The following LINGO2 variants were observed in gnomAD, a reference collection of about 807,000 sequenced individuals.
The protein encoded by LINGO2 is leucine rich repeat and Ig domain containing 2, also known as leucine-rich repeat and immunoglobulin-like domain-containing nogo receptor-interacting protein 2.
LINGO2 carries 14 observed loss-of-function variants against 30.6 expected under a neutral mutation model. The ratio of observed to expected loss-of-function variants is 0.46; its 90% CI spans 0.30 to 0.72. LINGO2 has a LOEUF of 0.72. Ranked by LOEUF, LINGO2 falls within the 30% of genes least tolerant of loss-of-function variation. The pLI, the probability that LINGO2 is intolerant of heterozygous loss-of-function variation, is 0.07. For synonymous variants in LINGO2, 317 were observed against 288.5 expected, an observed-to-expected ratio of 1.10 and a Z score of -1.00; for missense variants, 729 against 751.7, an observed-to-expected ratio of 0.97 and a Z score of 0.35.
the LINGO2 span, among the ~76,000 whole-genome samples, chr9:28,977,465 T>C: frequency 3.3e-5 from 5 of 152,140 alleles, no homozygotes; most frequent in East Asian, 3.8e-4. Flanking sequence ...TTTGAAAGCA[T>C]AAAGTGATTT....
intron 4 of LINGO2, among the ~76,000 whole-genome samples, chr9:28,048,299 G>A (rs931666472): frequency 6.6e-6 from 1 of 150,966 alleles, no homozygotes; most frequent in Non-Finnish European, 1.5e-5. Context: ...CCTCTACTAA[G>A]TGAAAACATT....
At chr9:28,102,318 CAAT>C (rs926317805) in intron 4 of LINGO2, among the ~76,000 whole-genome samples, 15 of 151,878 alleles carry the variant, frequency 9.9e-5, no homozygotes, top group South Asian at 4.2e-4. Context: ...GTGGAAATAA[CAAT>C]AATATTTTAA....
chr9:28,597,956 G>T (rs1825270351), intron 1 of LINGO2, among the ~76,000 whole-genome samples: 1 of 151,768 alleles, frequency 6.6e-6, no homozygotes, highest in Non-Finnish European at 1.5e-5. Context: ...GTAGAGAAGG[G>T]GCTTCACTAT....
intron 1 of LINGO2, among the ~76,000 whole-genome samples, chr9:28,577,455 C>A (rs1168154492): frequency 1.3e-5 from 2 of 152,078 alleles, no homozygotes; most frequent in Non-Finnish European, 2.9e-5. Context: ...CATTCCCCAA[C>A]CAATCAGCAG....
chr9:29,179,158 AAT>A, the LINGO2 span, among the ~76,000 whole-genome samples: 2,028 of 101,002 alleles, frequency 0.02, 7 homozygotes, highest in African/African-American at 0.041. Context: ...TCTTACTGTA[AAT>A]ATATATATAT....
At chr9:28,360,069 A>C (rs1820380362) in intron 3 of LINGO2, among the ~76,000 whole-genome samples, 1 of 152,186 alleles carries the variant, frequency 6.6e-6, no homozygotes, top group African/African-American at 2.4e-5. Flanking sequence ...AGAGTTCTAG[A>C]AGGTAAGAGA....
chr9:28,806,333 C>T, the LINGO2 span, among the ~76,000 whole-genome samples: 3 of 152,176 alleles, frequency 2.0e-5, no homozygotes, highest in South Asian at 2.1e-4. Flanking sequence ...GCTGCCTTCA[C>T]GATCCCTTGT....
the LINGO2 span, among the ~76,000 whole-genome samples, chr9:29,120,352 A>T: frequency 1.6e-4 from 24 of 152,268 alleles, no homozygotes; most frequent in Admixed American, 1.3e-3. Context: ...TGAAAGGAAC[A>T]TGTCATTAAA....
chr9:28,042,827 T>C (rs1373426773), intron 4 of LINGO2, among the ~76,000 whole-genome samples: 6 of 152,316 alleles, frequency 3.9e-5, no homozygotes, highest in Non-Finnish European at 8.8e-5. Context: ...ACAAATGTTA[T>C]TATACAAATA....
At chr9:28,052,301 C>T (rs1824713752) in intron 4 of LINGO2, among the ~76,000 whole-genome samples, 1 of 152,042 alleles carries the variant, frequency 6.6e-6, no homozygotes, top group East Asian at 1.9e-4. Flanking sequence ...ATTTAAAGTG[C>T]TAACACAGCA....
At chr9:28,415,574 T>C (rs17821522) in intron 2 of LINGO2, among the ~76,000 whole-genome samples, 8,309 of 152,272 alleles carry the variant, frequency 0.055, 292 homozygotes, top group Middle Eastern at 0.14. Flanking sequence ...GGTCTCTGAA[T>C]GCACTACCAT....
the LINGO2 span, among the ~76,000 whole-genome samples, chr9:28,956,012 C>T: frequency 2.0e-5 from 3 of 151,670 alleles, no homozygotes; most frequent in Non-Finnish European, 4.4e-5. Flanking sequence ...CACAGAAAGA[C>T]AGAATGCTAT....
chr9:28,020,054 T>C (rs1046831845), intron 4 of LINGO2, among the ~76,000 whole-genome samples: 1 of 152,202 alleles, frequency 6.6e-6, no homozygotes, highest in South Asian at 2.1e-4. Context: ...AAGTGATTCA[T>C]AGAAATAGCC....
At position 28,273,449 on chromosome 9, in the gene LINGO2, G is replaced by T. The variant is rs186502643; in HGVS notation, c.-87+21759C>A. Among the ~76,000 whole-genome samples the T allele has an allele frequency of 7.1e-4, 108 of 152,284 alleles. 3 individuals are homozygous for T. Among genetic ancestry groups the T allele is most frequent in the Admixed American group, 6.9e-3 (106 of 15,290 alleles). ...TGGAAGCTTTCACTCAGGGAAAATG[G>T]TCCCTTAGTATTTTGGTAACCAAAT... On this transcript the variant is annotated intron_variant, in intron 4 of 5. Transcript: ENST00000379992.
At chr9:28,565,270 C>T (rs1176274651) in intron 1 of LINGO2, among the ~76,000 whole-genome samples, 1 of 151,804 alleles carries the variant, frequency 6.6e-6, no homozygotes, top group Non-Finnish European at 1.5e-5. Flanking sequence ...TCATTACAAG[C>T]TCCGCCTCCT....
chr9:28,082,544 A>G (rs1215827578), intron 4 of LINGO2, among the ~76,000 whole-genome samples: 1 of 152,170 alleles, frequency 6.6e-6, no homozygotes, highest in African/African-American at 2.4e-5. Context: ...AGGAATTTGC[A>G]ATGAGACATT....
At chr9:28,222,287 T>C (rs1292364167) in intron 4 of LINGO2, among the ~76,000 whole-genome samples, 2 of 152,212 alleles carry the variant, frequency 1.3e-5, no homozygotes, top group Non-Finnish European at 2.9e-5. Flanking sequence ...TTGGTATAAG[T>C]GTAATTTAAA....
chr9:28,094,513 A>ATGTGTG (rs148153724), intron 4 of LINGO2, among the ~76,000 whole-genome samples: 2 of 150,482 alleles, frequency 1.3e-5, no homozygotes, highest in African/African-American at 2.5e-5. Flanking sequence ...GAAAGGGGAT[A>ATGTGTG]TGTGTGTGTG....
At chr9:28,437,998 G>A (rs1587674524) in intron 2 of LINGO2, among the ~76,000 whole-genome samples, 1 of 152,210 alleles carries the variant, frequency 6.6e-6, no homozygotes, top group East Asian at 1.9e-4. Flanking sequence ...AGTGACTTAA[G>A]AATATGGGGG....
Sources: allele counts gnomAD v4.1 joint callset (sites outside exome capture counted in the v4.1 genomes callset), GRCh38; gene constraint gnomAD v4.1.1; transcripts MANE v1.5; gene names NCBI Gene and HGNC (gene_info 2026-07-23, HGNC 2026-07-21).